Variants in STRN observed in about 807,000 individuals in gnomAD.
STRN encodes protein phosphatase 2 regulatory subunit B'''alpha.
STRN carries 53 observed loss-of-function variants against 96.3 expected under a neutral mutation model. The observed-to-expected ratio is 0.55, with a 90% CI of 0.44 to 0.69. The LOEUF is 0.69. Among genes scored for constraint, STRN ranks in the 30% least tolerant of loss-of-function variants. The pLI, the probability that STRN is intolerant of heterozygous loss-of-function variation, is 0.00. For synonymous variants in STRN, 428 were observed against 355.9 expected, an observed-to-expected ratio of 1.20 and a Z score of -2.28; for missense variants, 987 against 963.9, an observed-to-expected ratio of 1.02 and a Z score of -0.32.
chr2:36,864,985 G>A (rs568790015), intron 12 of STRN, among the ~76,000 whole-genome samples: 1 of 152,194 alleles, frequency 6.6e-6, no homozygotes, highest in Admixed American at 6.5e-5. Flanking sequence ...AAAGTGCTGG[G>A]ATTACAGGCG....
intron 16 of STRN, 34 bp downstream of exon 16, chr2:36,850,965 GC>G: frequency 4.4e-6 from 4 of 910,888 alleles, no homozygotes; most frequent in Admixed American, 4.0e-5. Flanking sequence ...TTTTTTTTTT[GC>G]TTTAATAAAA....
chr2:36,954,490 C>T (rs181983637), intron 1 of STRN, among the ~76,000 whole-genome samples: 6 of 135,914 alleles, frequency 4.4e-5, no homozygotes, highest in South Asian at 2.3e-4. Flanking sequence ...CCAGCCTGGG[C>T]GACAGAGTAA....
Position 36,966,274 on chromosome 2 carries a change from C to G in STRN, c.190G>C (p.Glu64Gln). The G allele has an allele frequency of 6.3e-7, 1 of 1,586,414 alleles. No individual in the cohort carries two copies. The highest frequency in any genetic ancestry group is 8.6e-7 in the Non-Finnish European group (1 of 1,168,630). ...HFLQHEWARF[E>Q]VERAQWEVER... ...ACCTCCCACTGGGCTCTCTCCACCT[C>G]GAAGCGGGCCCACTCGTGCTGCAGG... The change falls in exon 1 of 18, where the codon GAG becomes CAG. Residue 64 changes from glutamate to glutamine, a missense_variant. By Grantham distance (29) the Glu-to-Gln change is conservative. Coordinates refer to ENST00000263918, the MANE Select transcript of STRN (RefSeq NM_003162.4).
chr2:36,929,110 C>T (rs1206719114), intron 1 of STRN, among the ~76,000 whole-genome samples: 1 of 152,076 alleles, frequency 6.6e-6, no homozygotes, highest in Non-Finnish European at 1.5e-5. Context: ...TTCCATGATA[C>T]TTTATACGTA....
intron 1 of STRN, among the ~76,000 whole-genome samples, chr2:36,948,611 G>A (rs1481420778): frequency 6.6e-6 from 1 of 152,166 alleles, no homozygotes; most frequent in African/African-American, 2.4e-5. Flanking sequence ...GAGATTGTCT[G>A]TGCTGTTGAC....
Position 36,869,681 on chromosome 2 carries a change from T to C in STRN, c.1372A>G (p.Thr458Ala), listed in dbSNP as rs1188398467. The change falls in exon 11 of 18, where the codon ACA becomes GCA. Residue 458 changes from threonine to alanine, a missense_variant. Thr to Ala is a moderately conservative substitution (Grantham distance 58). Transcript: ENST00000263918. ...ALRKTWNPKF[T>A]LRSHFDGIRA... is the part of the protein sequence containing the mutation. ...ATGCCATCAAAGTGACTTCTCAATGTAAACTTAGGGTTCCATGTCTTCCTC... is the reference window on the plus strand; with the variant it reads ...ATGCCATCAAAGTGACTTCTCAATGCAAACTTAGGGTTCCATGTCTTCCTC... 1 of 1,611,880 alleles carries C rather than the reference T, an allele frequency of 6.2e-7. No homozygotes were observed. Among genetic ancestry groups the C allele is most frequent in the South Asian group, 1.1e-5 (1 of 90,618 alleles).
In STRN at chr2:36,843,730, A is replaced by G. The variant is rs1667999825; in HGVS notation, c.*5726T>C. 6.6e-6 allele frequency: 1 copy of G among 152,236 alleles called. No individual in the cohort carries two copies. Among genetic ancestry groups the G allele is most frequent in the Non-Finnish European group, 1.5e-5 (1 of 68,074 alleles). 9.4% of individuals were successfully genotyped at this position (152,236 alleles called of 1,614,324 possible). ...TCAGACTATGTTAATTTAACTGATT[A>G]CTGTAAAGCCACAGCTAGATCCCAA... On this transcript the variant is annotated 3_prime_UTR_variant, in exon 18 of 18. Transcript: ENST00000263918.
chr2:36,945,627 T>C (rs1189138253), intron 1 of STRN, among the ~76,000 whole-genome samples: 1 of 151,484 alleles, frequency 6.6e-6, no homozygotes, highest in Admixed American at 6.6e-5. Flanking sequence ...ATCGCAACAC[T>C]GCACTCCAGC....
intron 7 of STRN, among the ~76,000 whole-genome samples, chr2:36,888,541 C>A (rs1669299049): frequency 6.6e-6 from 1 of 152,142 alleles, no homozygotes; most frequent in Admixed American, 6.5e-5. Flanking sequence ...AACACTTCTT[C>A]CCCAGATGGC....
intron 2 of STRN, among the ~76,000 whole-genome samples, chr2:36,916,497 A>T (rs1375062813): frequency 7.3e-6 from 1 of 136,120 alleles, no homozygotes; most frequent in African/African-American, 2.9e-5. Context: ...AAAAACAGTT[A>T]AAAAAAAAAA....
intron 1 of STRN, among the ~76,000 whole-genome samples, chr2:36,952,268 T>C (rs2148269788): frequency 6.6e-6 from 1 of 152,304 alleles, no homozygotes; most frequent in South Asian, 2.1e-4. Flanking sequence ...TGGATGGTGC[T>C]GGATAACAAT....
At chr2:36,962,137 G>A (rs909783834) in intron 1 of STRN, among the ~76,000 whole-genome samples, 3 of 152,018 alleles carry the variant, frequency 2.0e-5, no homozygotes, top group Non-Finnish European at 2.9e-5. Context: ...TTGTATCTCC[G>A]GTATCTAGAA....
At chr2:36,906,764 C>T (rs867328607) in intron 3 of STRN, among the ~76,000 whole-genome samples, 9 of 151,868 alleles carry the variant, frequency 5.9e-5, no homozygotes, top group South Asian at 2.1e-4. Context: ...CCCATATCTA[C>T]TAAAAATACA....
chr2:36,884,823 T>C (rs113823980), intron 8 of STRN, among the ~76,000 whole-genome samples: 6,040 of 151,732 alleles, frequency 0.04, 403 homozygotes, highest in African/African-American at 0.14. Context: ...ACTAGTTCAA[T>C]TAAAAAAAAA....
At chr2:36,880,853 C>A (rs1572644128) in intron 9 of STRN, among the ~76,000 whole-genome samples, 1 of 152,136 alleles carries the variant, frequency 6.6e-6, no homozygotes, top group Admixed American at 6.6e-5. Flanking sequence ...CTAACTACTG[C>A]TCTACAAATG....
intron 1 of STRN, among the ~76,000 whole-genome samples, chr2:36,964,976 A>T (rs1665123310): frequency 6.6e-6 from 1 of 152,234 alleles, no homozygotes; most frequent in Non-Finnish European, 1.5e-5. Context: ...CCTCAAGGTC[A>T]CAGAGCTAGC....
chr2:36,930,928 C>T (rs1266365229), intron 1 of STRN, among the ~76,000 whole-genome samples: 4 of 151,878 alleles, frequency 2.6e-5, no homozygotes, highest in Admixed American at 2.6e-4. Context: ...CCCAGCTACT[C>T]TGGCTCAGGC....
At chr2:36,891,052 C>T (rs1669383247) in intron 7 of STRN, among the ~76,000 whole-genome samples, 1 of 152,122 alleles carries the variant, frequency 6.6e-6, no homozygotes, top group Non-Finnish European at 1.5e-5. Context: ...TTCAGCACCC[C>T]CCAATCCAAA....
At chr2:36,857,591 T>C (rs1036690620) in intron 14 of STRN, among the ~76,000 whole-genome samples, 4 of 151,684 alleles carry the variant, frequency 2.6e-5, no homozygotes, top group African/African-American at 9.7e-5. Context: ...AACTGGGAGA[T>C]GGAGGTTGCA....
Sources: allele counts gnomAD v4.1 joint callset (sites outside exome capture counted in the v4.1 genomes callset), GRCh38; gene constraint gnomAD v4.1.1; transcripts MANE v1.5; gene names NCBI Gene and HGNC (gene_info 2026-07-23, HGNC 2026-07-21).